Variants in CHL1 observed in about 807,000 individuals in gnomAD.
The protein encoded by CHL1 is cell adhesion molecule L1 like, also known as neural cell adhesion molecule L1-like protein.
CHL1 carries 96 observed loss-of-function variants against 141.9 expected under a neutral mutation model. The observed-to-expected ratio is 0.68, with a 90% CI of 0.57 to 0.80. The LOEUF is 0.80. Among genes scored for constraint, CHL1 ranks in the 30% least tolerant of loss-of-function variants. The pLI, the probability that CHL1 is intolerant of heterozygous loss-of-function variation, is 0.00. For synonymous variants in CHL1, 613 were observed against 502.2 expected (o/e 1.22, Z -2.95); for missense variants, 1,820 against 1,457.2 (o/e 1.25, Z -4.05).
At chr3:285,446 G>A (rs987847996) in intron 2 of CHL1, among the ~76,000 whole-genome samples, 1 of 152,150 alleles carries the variant, frequency 6.6e-6, no homozygotes, top group Non-Finnish European at 1.5e-5. Flanking sequence ...CAGTCAGTGG[G>A]AATGTGATCA....
At chr3:237,180 G>T (rs1692075052) in intron 1 of CHL1, among the ~76,000 whole-genome samples, 1 of 152,160 alleles carries the variant, frequency 6.6e-6, no homozygotes, top group South Asian at 2.1e-4. Flanking sequence ...ATTGGATTAT[G>T]GGGGTGGTTT....
chr3:388,925 T>A (rs2125434488), intron 19 of CHL1, among the ~76,000 whole-genome samples: 1 of 152,372 alleles, frequency 6.6e-6, no homozygotes, highest in Middle Eastern at 3.4e-3. Context: ...GTGGAAAGCA[T>A]AAGCAAAAAG....
In CHL1 at chr3:366,131, T is replaced by C. The variant is rs1209606943; in HGVS notation, c.1751+16T>C. 2 of 1,608,784 alleles carry C rather than the reference T, an allele frequency of 1.2e-6. No individual in the cohort carries two copies. Among genetic ancestry groups the C allele is most frequent in the Non-Finnish European group, 1.7e-6 (2 of 1,177,104 alleles). ...AAGATGGCAGGTAGGTAAACTATTA[T>C]GATATGTCATAATATTTGCTTGGGG... On this transcript the variant is annotated intron_variant, in intron 15 of 27. Transcript: ENST00000256509.
At chr3:203,573 G>C (rs530028005) in intron 1 of CHL1, among the ~76,000 whole-genome samples, 2 of 152,342 alleles carry the variant, frequency 1.3e-5, no homozygotes, top group Admixed American at 6.5e-5. Context: ...GCCCACAAGG[G>C]CTGCTGAAGC....
chr3:368,987 G>T (rs894685399), intron 15 of CHL1, among the ~76,000 whole-genome samples: 1 of 152,136 alleles, frequency 6.6e-6, no homozygotes, highest in Non-Finnish European at 1.5e-5. Flanking sequence ...TGCTGTTTTG[G>T]TTACTGTCGC....
At chr3:254,550 A>G (rs1693986889) in intron 2 of CHL1, among the ~76,000 whole-genome samples, 1 of 152,158 alleles carries the variant, frequency 6.6e-6, no homozygotes, top group Non-Finnish European at 1.5e-5. Context: ...CAGACATCAG[A>G]CTATGCAGGG....
chr3:372,872 C>T (rs1030828472), intron 15 of CHL1, among the ~76,000 whole-genome samples: 2 of 151,430 alleles, frequency 1.3e-5, no homozygotes, highest in African/African-American at 4.9e-5. Flanking sequence ...TGTAGGGCTG[C>T]TGCAGTTTGC....
At chr3:277,056 G>A (rs931146067) in intron 2 of CHL1, among the ~76,000 whole-genome samples, 2 of 151,942 alleles carry the variant, frequency 1.3e-5, no homozygotes, top group African/African-American at 2.4e-5. Flanking sequence ...TGCCTCATAG[G>A]ATTATTATTA....
chr3:325,598 A>C (rs1040683179), intron 3 of CHL1, among the ~76,000 whole-genome samples: 2 of 152,116 alleles, frequency 1.3e-5, no homozygotes, highest in African/African-American at 4.8e-5. Context: ...GAACTTTCAA[A>C]GTGACTGAAC....
chr3:319,629 C>G, intron 2 of CHL1, 54 bp from the exon 3 acceptor site: 105 of 392,606 alleles, frequency 2.7e-4, no homozygotes, highest in East Asian at 9.9e-4. Flanking sequence ...TTAATTTGTT[C>G]TGTTGAAATT....
At position 242,575 on chromosome 3, in the gene CHL1, A is replaced by G. The variant is rs565234445; in HGVS notation, c.-174-2038A>G. On this transcript the variant is annotated intron_variant, in intron 1 of 27. Coordinates refer to ENST00000256509, the MANE Select transcript of CHL1 (RefSeq NM_006614.4). ...TGTGCCACTGCACTCCAGCCTGGGT[A>G]ACAGAGTGGGACTCCATCTCAAAAT... 8.9e-4 allele frequency among the ~76,000 whole-genome samples: 135 copies of G among 151,178 alleles called. No individual in the cohort carries two copies. The Middle Eastern group carries it at 0.014, about 15-fold the overall frequency.
chr3:260,653 A>C (rs375446160), intron 2 of CHL1, among the ~76,000 whole-genome samples: 5 of 152,312 alleles, frequency 3.3e-5, no homozygotes, highest in East Asian at 3.9e-4. Context: ...AAAGCTACCA[A>C]ATTGACACAG....
chr3:288,910 G>T (rs1468023194), intron 2 of CHL1, among the ~76,000 whole-genome samples: 1 of 152,168 alleles, frequency 6.6e-6, no homozygotes, highest in Non-Finnish European at 1.5e-5. Flanking sequence ...ATTAGATGAA[G>T]ACTTTATCAT....
At chr3:382,755 G>A (rs1250674206) in intron 18 of CHL1, 84 bp downstream of exon 18, 1 of 1,190,458 alleles carries the variant, frequency 8.4e-7, no homozygotes, top group Non-Finnish European at 1.2e-6. Flanking sequence ...GATTGATAGA[G>A]TAATGTAGGA....
chr3:200,457 T>C (rs1698815690), intron 1 of CHL1, among the ~76,000 whole-genome samples: 1 of 152,222 alleles, frequency 6.6e-6, no homozygotes, highest in South Asian at 2.1e-4. Context: ...CGTTCCTTGT[T>C]ATTTTTTCAA....
intron 10 of CHL1, among the ~76,000 whole-genome samples, chr3:352,465 A>G (rs1575140884): frequency 6.6e-6 from 1 of 152,212 alleles, no homozygotes; most frequent in African/African-American, 2.4e-5. Context: ...AGAAATATTT[A>G]TCATCTTATT....
rs1325933474 is a variant in CHL1, at chr3:405,349, G to T, written c.3459-146G>T. ...GTAAACTTGGTAAACATTTGTGGTA[G>T]TATCATGTGGGCTTTACTATCTGTC... On this transcript the variant is annotated intron_variant, in intron 27 of 27. Transcript: ENST00000256509. The T allele has an allele frequency of 5.1e-6, 3 of 589,234 alleles. No individual in the cohort carries two copies. The East Asian group carries it at 8.7e-5, about 17-fold the overall frequency. 36.5% of individuals were successfully genotyped at this position (589,234 alleles called of 1,614,324 possible).
chr3:246,261 G>C (rs1291935191), intron 2 of CHL1, among the ~76,000 whole-genome samples: 1 of 152,062 alleles, frequency 6.6e-6, no homozygotes, highest in Non-Finnish European at 1.5e-5. Flanking sequence ...TCATGATGAT[G>C]TATTAATAAT....
chr3:201,606 T>C (rs1321274508), intron 1 of CHL1, among the ~76,000 whole-genome samples: 1 of 152,168 alleles, frequency 6.6e-6, no homozygotes, highest in East Asian at 1.9e-4. Flanking sequence ...AATTCATAGT[T>C]TGCTAATTGA....
Sources: allele counts gnomAD v4.1 joint callset (sites outside exome capture counted in the v4.1 genomes callset), GRCh38; gene constraint gnomAD v4.1.1; transcripts MANE v1.5; gene names NCBI Gene and HGNC (gene_info 2026-07-23, HGNC 2026-07-21).